The following CCDC149 variants were observed in gnomAD, a reference collection of about 807,000 sequenced individuals.
The protein encoded by CCDC149 is coiled-coil domain containing 149.
Under a neutral mutation model 59.9 loss-of-function variants are expected in CCDC149, and 45 were observed. The observed-to-expected ratio is 0.75, with a 90% CI of 0.59 to 0.96. CCDC149 has a LOEUF of 0.96. Among genes scored for constraint, CCDC149 ranks in the 40% least tolerant of loss-of-function variants. The probability of loss-of-function intolerance (pLI) is 0.00; values close to 1 mark genes in which losing one functional copy is unlikely to be tolerated. For synonymous variants in CCDC149, 245 were observed against 260.6 expected (o/e 0.94, Z 0.58); for missense variants, 584 against 664.7 (o/e 0.88, Z 1.33).
chr4:24,843,810 G>A (rs1216534731), intron 4 of CCDC149, among the ~76,000 whole-genome samples: 4 of 152,068 alleles, frequency 2.6e-5, no homozygotes, highest in Admixed American at 1.3e-4. Flanking sequence ...ACTGAGATCC[G>A]CATAGAGCCT....
chr4:24,864,679 G>C (rs1317547480), intron 3 of CCDC149, among the ~76,000 whole-genome samples: 5 of 152,174 alleles, frequency 3.3e-5, no homozygotes, highest in Non-Finnish European at 7.3e-5. Flanking sequence ...TTGATAAATT[G>C]GCTCTATCTA....
At chr4:24,893,634 T>TTTTTTTTTTTTTTTTTTTTTTTTTTA (rs1720663431) in intron 1 of CCDC149, among the ~76,000 whole-genome samples, 1 of 144,406 alleles carries the variant, frequency 6.9e-6, no homozygotes, top group Admixed American at 7.1e-5. Flanking sequence ...TTTTTTTTTT[T>TTTTTTTTTTTTTTTTTTTTTTTTTTA]GAGATGAAGT....
intron 1 of CCDC149, among the ~76,000 whole-genome samples, chr4:24,896,281 G>A (rs780218599): frequency 1.3e-5 from 2 of 152,196 alleles, no homozygotes; most frequent in Non-Finnish European, 2.9e-5. Flanking sequence ...GAAATGGGGG[G>A]TAAGGTGACT....
chr4:24,874,432 A>G (rs1432646369), intron 2 of CCDC149, among the ~76,000 whole-genome samples: 1 of 152,024 alleles, frequency 6.6e-6, no homozygotes. Flanking sequence ...AAATACAAAA[A>G]TTAGCCAGAT....
intron 9 of CCDC149, among the ~76,000 whole-genome samples, chr4:24,825,180 G>A (rs981054031): frequency 6.6e-6 from 1 of 152,210 alleles, no homozygotes; most frequent in Non-Finnish European, 1.5e-5. Flanking sequence ...GGGATAATGA[G>A]GAGAAGGAGA....
rs1214044385 is a variant in CCDC149 at position 24,918,971 on chromosome 4, CT to C, written c.-64-23854del. On this transcript the variant is annotated intron_variant, in intron 1 of 12. Transcript: ENST00000389609. ...CTCAAATGGCAAGTAAACATGATTT[CT>C]AGATAGACACTGTCAACAAGGGTGT... is the stretch of plus-strand genomic sequence containing the variant. Among the ~76,000 whole-genome samples the C allele has an allele frequency of 3.3e-5, 5 of 152,328 alleles. No individual in the cohort carries two copies. In the East Asian group the frequency reaches 7.7e-4, roughly 23 times the overall value.
At chr4:24,857,163 G>A (rs1560220889) in intron 3 of CCDC149, among the ~76,000 whole-genome samples, 1 of 152,176 alleles carries the variant, frequency 6.6e-6, no homozygotes, top group Non-Finnish European at 1.5e-5. Context: ...CTGGTGGGCA[G>A]GAAGACCCTG....
chr4:24,962,816 T>C (rs1162340823), intron 1 of CCDC149, among the ~76,000 whole-genome samples: 4 of 151,974 alleles, frequency 2.6e-5, no homozygotes, highest in Non-Finnish European at 4.4e-5. Flanking sequence ...CACACCAACA[T>C]GGCACATGTA....
chr4:24,837,390 A>T lies in CCDC149; in HGVS notation c.500T>A (p.Leu167Gln). 6.2e-6 allele frequency: 10 copies of T among 1,614,142 alleles called. No homozygotes were observed. The highest frequency in any genetic ancestry group is 8.5e-6 in the Non-Finnish European group (10 of 1,180,010). Residue 167 changes from leucine (L) to glutamine (Q), a missense_variant, in exon 6 of 13, where the codon CTG (leucine) becomes CAG (glutamine). Transcript: ENST00000635206. The surrounding 1 kb of genome is among the most constrained non-coding windows in gnomAD (Gnocchi z 4.3). ...CACAGAAGCCTGCAGGTCGTGCTCC[A>T]GAGACTCAATCTAAAACCACAGGGA...
chr4:24,960,088 T>G (rs1191278097), intron 1 of CCDC149, among the ~76,000 whole-genome samples: 1 of 152,138 alleles, frequency 6.6e-6, no homozygotes, highest in Non-Finnish European at 1.5e-5. Context: ...ATAACATATG[T>G]AAAAGTAAGA....
intron 4 of CCDC149, among the ~76,000 whole-genome samples, chr4:24,849,987 A>G (rs1234832465): frequency 7.9e-5 from 12 of 152,096 alleles, no homozygotes; most frequent in Admixed American, 7.9e-4. Context: ...AAGCTTCTCA[A>G]ATACATGTAT....
intron 1 of CCDC149, among the ~76,000 whole-genome samples, chr4:24,971,988 A>C (rs1379125511): frequency 1.3e-5 from 2 of 152,210 alleles, no homozygotes; most frequent in Non-Finnish European, 2.9e-5. Context: ...GGAAGCTCTC[A>C]CTTCCAGTTG....
chr4:24,867,871 C>A (rs1718796568), intron 3 of CCDC149, among the ~76,000 whole-genome samples: 1 of 152,210 alleles, frequency 6.6e-6, no homozygotes, highest in Admixed American at 6.5e-5. Flanking sequence ...CCTTCTGGGT[C>A]AAGAAACGAA....
At chr4:24,810,988 G>A (rs1392567843) in intron 12 of CCDC149, among the ~76,000 whole-genome samples, 1 of 152,118 alleles carries the variant, frequency 6.6e-6, no homozygotes, top group Non-Finnish European at 1.5e-5. Flanking sequence ...CAGAAGTCTG[G>A]AAAACTCCAA....
At chr4:24,907,309 AT>A (rs2109318884) in intron 1 of CCDC149, among the ~76,000 whole-genome samples, 1 of 152,310 alleles carries the variant, frequency 6.6e-6, no homozygotes, top group South Asian at 2.1e-4. Context: ...GAGAAGTTAC[AT>A]GGTGCAGTCA....
intron 1 of CCDC149, among the ~76,000 whole-genome samples, chr4:24,929,694 C>T (rs1722530857): frequency 6.6e-6 from 1 of 152,212 alleles, no homozygotes; most frequent in South Asian, 2.1e-4. Flanking sequence ...CTCTGTGCCT[C>T]TGCTTATGTT....
intron 1 of CCDC149, among the ~76,000 whole-genome samples, chr4:24,958,742 G>T (rs1024335658): frequency 6.6e-6 from 1 of 151,786 alleles, no homozygotes; most frequent in Non-Finnish European, 1.5e-5. Flanking sequence ...AAACAGAGAA[G>T]AAAAAAAAGC....
intron 4 of CCDC149, among the ~76,000 whole-genome samples, chr4:24,847,064 G>A (rs980022614): frequency 2.0e-5 from 3 of 152,178 alleles, no homozygotes; most frequent in Non-Finnish European, 1.5e-5. Flanking sequence ...TGATGCTGGC[G>A]AAGTCGAGGC....
chr4:24,885,423 C>A (rs957418958), intron 1 of CCDC149, among the ~76,000 whole-genome samples: 7 of 152,304 alleles, frequency 4.6e-5, no homozygotes, highest in Non-Finnish European at 5.9e-5. Context: ...AGCTGTCAGG[C>A]CTACAGAGAA....
Sources: allele counts gnomAD v4.1 joint callset (sites outside exome capture counted in the v4.1 genomes callset), GRCh38; gene constraint gnomAD v4.1.1; non-coding constraint Gnocchi (gnomAD v3.1); transcripts MANE v1.5; gene names NCBI Gene and HGNC (gene_info 2026-07-23, HGNC 2026-07-21).